DAB1: variants seen among roughly 807,000 people sequenced by gnomAD.
DAB1 encodes disabled homolog 1.
In DAB1, 15 loss-of-function variants were observed where a neutral mutation model predicts 64.6. The observed-to-expected ratio is 0.23, with a 90% confidence interval of 0.16 to 0.36. DAB1 has a LOEUF of 0.36. Among genes scored for constraint, DAB1 ranks in the 10% least tolerant of loss-of-function variants. The pLI is 1.00. For synonymous variants in DAB1, 235 were observed against 251.9 expected, an observed-to-expected ratio of 0.93 and a Z score of 0.64; for missense variants, 596 against 706.7, an observed-to-expected ratio of 0.84 and a Z score of 1.78.
chr1:57,287,631 C>T (rs1570169402), intron 2 of DAB1, among the ~76,000 whole-genome samples: 3 of 152,190 alleles, frequency 2.0e-5, no homozygotes, highest in African/African-American at 4.8e-5. Context: ...ATTCAAAATT[C>T]AATATCAGTA....
At chr1:57,297,015 A>T (rs907021310) in intron 1 of DAB1, among the ~76,000 whole-genome samples, 3 of 152,226 alleles carry the variant, frequency 2.0e-5, no homozygotes, top group Non-Finnish European at 4.4e-5. Context: ...TAACATCAAC[A>T]AACAGGGGCA....
intron 7 of DAB1, among the ~76,000 whole-genome samples, chr1:57,440,919 A>T (rs1356426844): frequency 6.6e-6 from 1 of 152,168 alleles, no homozygotes; most frequent in Non-Finnish European, 1.5e-5. Context: ...CAGGTTTGTT[A>T]CGTGGGTGTA....
At chr1:58,510,215 A>G (rs1241884401) in intron 2 of DAB1, among the ~76,000 whole-genome samples, 1 of 152,070 alleles carries the variant, frequency 6.6e-6, no homozygotes, top group African/African-American at 2.4e-5. Context: ...GATGAACATA[A>G]ATACAAAAAT....
At chr1:58,434,683 G>A (rs1287835651) in intron 3 of DAB1, among the ~76,000 whole-genome samples, 3 of 152,180 alleles carry the variant, frequency 2.0e-5, no homozygotes, top group Admixed American at 6.5e-5. Flanking sequence ...TGTGTGTAAC[G>A]TTATAGGTGG....
chr1:58,406,270 A>G (rs944567801), intron 3 of DAB1, among the ~76,000 whole-genome samples: 10 of 152,220 alleles, frequency 6.6e-5, no homozygotes, highest in Admixed American at 3.9e-4. Flanking sequence ...TAGGAGACAC[A>G]GAATTGCCTT....
chr1:58,181,190 C>T (rs1478052125), intron 4 of DAB1, among the ~76,000 whole-genome samples: 3 of 152,014 alleles, frequency 2.0e-5, no homozygotes, highest in Non-Finnish European at 4.4e-5. Flanking sequence ...TTCCATTTTC[C>T]TGATATCCTA....
intron 4 of DAB1, among the ~76,000 whole-genome samples, chr1:57,096,829 T>A (rs1654211024): frequency 6.6e-6 from 1 of 152,248 alleles, no homozygotes; most frequent in Non-Finnish European, 1.5e-5. Flanking sequence ...AATCAATAAA[T>A]ATTTATTGAA....
At chr1:57,082,880 A>G (rs1251083918) in intron 4 of DAB1, among the ~76,000 whole-genome samples, 1 of 152,134 alleles carries the variant, frequency 6.6e-6, no homozygotes, top group Non-Finnish European at 1.5e-5. Flanking sequence ...ATCAGCCAGT[A>G]CTTTTCTATT....
chr1:58,277,250 C>T (rs768033965), intron 4 of DAB1, among the ~76,000 whole-genome samples: 1 of 151,770 alleles, frequency 6.6e-6, no homozygotes, highest in Non-Finnish European at 1.5e-5. Context: ...ATGTTGGCCA[C>T]GCTGGTCTCA....
chr1:57,575,670 T>C (rs949613843), intron 7 of DAB1, among the ~76,000 whole-genome samples: 1 of 152,238 alleles, frequency 6.6e-6, no homozygotes, highest in Non-Finnish European at 1.5e-5. Flanking sequence ...AATACAGTAC[T>C]GTACTGGGGC....
chr1:57,542,671 A>G (rs1418016039), intron 7 of DAB1, among the ~76,000 whole-genome samples: 2 of 151,966 alleles, frequency 1.3e-5, no homozygotes, highest in Non-Finnish European at 2.9e-5. Flanking sequence ...CAAGCTAAGG[A>G]TGCTCAGTTT....
At chr1:58,015,224 C>A (rs1646721810) in intron 5 of DAB1, among the ~76,000 whole-genome samples, 1 of 152,158 alleles carries the variant, frequency 6.6e-6, no homozygotes, top group African/African-American at 2.4e-5. Flanking sequence ...AACCAACTTT[C>A]CTCTTCAGAG....
intron 6 of DAB1, among the ~76,000 whole-genome samples, chr1:57,798,897 A>T (rs1442744026): frequency 6.6e-6 from 1 of 152,228 alleles, no homozygotes; most frequent in African/African-American, 2.4e-5. Context: ...GCCTATACAC[A>T]TTCATGCACA....
intron 6 of DAB1, among the ~76,000 whole-genome samples, chr1:57,670,032 G>A (rs1218075384): frequency 1.3e-5 from 2 of 152,098 alleles, no homozygotes; most frequent in East Asian, 3.9e-4. Flanking sequence ...CTAGGGCCAT[G>A]GAAAAGATAA....
At chr1:57,346,040 G>A (rs1678056653) in intron 1 of DAB1, among the ~76,000 whole-genome samples, 1 of 152,196 alleles carries the variant, frequency 6.6e-6, no homozygotes, top group South Asian at 2.1e-4. Context: ...GAAGAAACCT[G>A]TCCAAGGTCA....
At chr1:57,916,983 G>A (rs1644736460) in intron 5 of DAB1, among the ~76,000 whole-genome samples, 1 of 151,910 alleles carries the variant, frequency 6.6e-6, no homozygotes, top group Non-Finnish European at 1.5e-5. Context: ...CTAAAGTTAT[G>A]CAGAAGGTAA....
chr1:57,867,523 G>A (rs1205329997), intron 1 of DAB1: 1 of 152,122 alleles, frequency 6.6e-6, no homozygotes, highest in Admixed American at 6.6e-5. Context: ...CAACAGCAGA[G>A]CCTCATTTTT....
chr1:57,790,432 T>C (rs533075516), intron 6 of DAB1, among the ~76,000 whole-genome samples: 6 of 152,214 alleles, frequency 3.9e-5, no homozygotes, highest in Non-Finnish European at 7.4e-5. Context: ...GAACTGTGAG[T>C]TAATTAAACC....
intron 7 of DAB1, chr1:57,649,550 T>G (rs149326896): frequency 6.6e-6 from 1 of 152,132 alleles, no homozygotes; most frequent in Non-Finnish European, 1.5e-5. Context: ...AGAGAAAGAT[T>G]TTCCTTGTAC....
Sources: allele counts gnomAD v4.1 joint callset (sites outside exome capture counted in the v4.1 genomes callset), GRCh38; gene constraint gnomAD v4.1.1; transcripts MANE v1.5; gene names NCBI Gene and HGNC (gene_info 2026-07-23, HGNC 2026-07-21).